The following GALNT13 variants were observed in gnomAD, a reference collection of about 807,000 sequenced individuals.
The protein encoded by GALNT13 is UDP-GalNAc:polypeptide N-acetylgalactosaminyltransferase 13.
In GALNT13, 28 loss-of-function variants were observed where a neutral mutation model predicts 64.2. The ratio of observed to expected loss-of-function variants is 0.44; its 90% CI spans 0.32 to 0.60. The LOEUF (loss-of-function observed/expected upper bound fraction) is 0.60. GALNT13 is among the 20% of genes least tolerant of loss of function. The probability of loss-of-function intolerance (pLI) is 0.05; values close to 1 mark genes in which losing one functional copy is unlikely to be tolerated. For missense variants in GALNT13, 577 were observed against 669.8 expected (o/e 0.86, Z 1.53); for synonymous variants, 214 against 224.6 (o/e 0.95, Z 0.42).
chr2:153,235,991 T>C, the GALNT13 span, among the ~76,000 whole-genome samples: 1 of 152,150 alleles, frequency 6.6e-6, no homozygotes, highest in Non-Finnish European at 1.5e-5. Flanking sequence ...GCTACCTTAG[T>C]GAGCACATAA....
At chr2:154,425,375 T>C (rs565968483) in intron 11 of GALNT13, among the ~76,000 whole-genome samples, 2 of 152,202 alleles carry the variant, frequency 1.3e-5, no homozygotes, top group Non-Finnish European at 2.9e-5. Context: ...GATATATTTA[T>C]TGTTGTTATG....
the GALNT13 span, among the ~76,000 whole-genome samples, chr2:153,255,605 C>T: frequency 5.3e-5 from 8 of 152,104 alleles, no homozygotes; most frequent in East Asian, 5.8e-4. Context: ...CGGCTGGTAC[C>T]GGTTGTTCCT....
the GALNT13 span, among the ~76,000 whole-genome samples, chr2:153,139,524 C>T: frequency 6.6e-6 from 1 of 151,918 alleles, no homozygotes; most frequent in African/African-American, 2.4e-5. Flanking sequence ...AAAAGATTGG[C>T]TGGGGCATCT....
chr2:153,396,344 T>G, the GALNT13 span, among the ~76,000 whole-genome samples: 1 of 152,092 alleles, frequency 6.6e-6, no homozygotes, highest in African/African-American at 2.4e-5. Context: ...GTTTACCTAT[T>G]AAATGGGAAA....
At chr2:153,345,701 T>TTC in the GALNT13 span, among the ~76,000 whole-genome samples, 1,073 of 94,378 alleles carry the variant, frequency 0.011, 11 homozygotes, top group Non-Finnish European at 0.015. Context: ...CTTTCTTTCT[T>TTC]TCTCTTTCTC....
chr2:153,281,949 C>G, the GALNT13 span, among the ~76,000 whole-genome samples: 1 of 151,302 alleles, frequency 6.6e-6, no homozygotes, highest in Non-Finnish European at 1.5e-5. Context: ...GTTTACCTGT[C>G]TAGCAAGATT....
intron 2 of GALNT13, among the ~76,000 whole-genome samples, chr2:153,922,015 A>T (rs17439212): frequency 6.6e-6 from 1 of 152,038 alleles, no homozygotes; most frequent in East Asian, 1.9e-4. Context: ...AATTAAAATG[A>T]CATATAGAAA....
At chr2:153,906,644 G>T (rs1481086225) in intron 2 of GALNT13, among the ~76,000 whole-genome samples, 1 of 151,268 alleles carries the variant, frequency 6.6e-6, no homozygotes, top group Non-Finnish European at 1.5e-5. Flanking sequence ...CCAGTCTATC[G>T]TTGTTGGACA....
chr2:153,715,817 C>T, the GALNT13 span, among the ~76,000 whole-genome samples: 6 of 128,266 alleles, frequency 4.7e-5, no homozygotes, highest in Non-Finnish European at 8.8e-5. Flanking sequence ...TCCCTCTTTT[C>T]TTCTTCTTCT....
chr2:153,631,707 G>C, the GALNT13 span, among the ~76,000 whole-genome samples: 11,633 of 151,980 alleles, frequency 0.077, 515 homozygotes, highest in Non-Finnish European at 0.11. Context: ...CTGGATATTA[G>C]CCCTTTGTCA....
the GALNT13 span, among the ~76,000 whole-genome samples, chr2:153,820,724 A>G: frequency 3.3e-5 from 5 of 152,194 alleles, no homozygotes; most frequent in Non-Finnish European, 5.9e-5. Context: ...AGTTCTAAAC[A>G]TAAAAACAAA....
intron 3 of GALNT13, among the ~76,000 whole-genome samples, chr2:154,110,398 G>C (rs1256040909): frequency 8.0e-5 from 11 of 137,570 alleles, no homozygotes; most frequent in Non-Finnish European, 1.1e-4. Flanking sequence ...GAGAGAGAGA[G>C]AGACAGAGAG....
In GALNT13 at chr2:154,055,036, C is replaced by T. The variant is rs117911208; in HGVS notation, c.143-85301C>T. Among the ~76,000 whole-genome samples the T allele has an allele frequency of 3.2e-4, 49 of 151,882 alleles. 1 individual carries two copies. In the East Asian group the frequency reaches 8.5e-3, roughly 26 times the overall value. On this transcript the variant is annotated intron_variant, in intron 3 of 12. Transcript: ENST00000392825. ...TATGTATGACAAATTATTCTCTTTA[C>T]GCAAAGTTAATTGGAGGTTTGATCA...
At chr2:154,140,852 C>G (rs1683220679) in intron 4 of GALNT13, among the ~76,000 whole-genome samples, 2 of 152,190 alleles carry the variant, frequency 1.3e-5, no homozygotes, top group South Asian at 4.2e-4. Context: ...TTGCTTAACA[C>G]TGCAGAAATG....
intron 2 of GALNT13, among the ~76,000 whole-genome samples, chr2:153,937,458 G>A (rs1300237832): frequency 6.6e-6 from 1 of 152,156 alleles, no homozygotes; most frequent in Non-Finnish European, 1.5e-5. Context: ...AATCAGATTA[G>A]TAGTTACTTA....
chr2:153,232,303 A>G, the GALNT13 span, among the ~76,000 whole-genome samples: 2 of 152,236 alleles, frequency 1.3e-5, no homozygotes, highest in Admixed American at 6.5e-5. Context: ...TTTAAAAACC[A>G]TATATTCACT....
At chr2:154,260,344 C>T (rs1400550492) in intron 8 of GALNT13, among the ~76,000 whole-genome samples, 3 of 151,904 alleles carry the variant, frequency 2.0e-5, no homozygotes, top group Admixed American at 6.6e-5. Flanking sequence ...AATATAAATA[C>T]GTGTGATGTT....
the GALNT13 span, among the ~76,000 whole-genome samples, chr2:153,254,834 C>G: frequency 1.3e-5 from 2 of 152,104 alleles, no homozygotes; most frequent in Admixed American, 6.5e-5. Flanking sequence ...GTCTGAGAGA[C>G]AGTTTGTTAT....
chr2:154,002,564 C>A (rs1596636), intron 3 of GALNT13, among the ~76,000 whole-genome samples: 31,035 of 151,824 alleles, frequency 0.2, 4,090 homozygotes, highest in Middle Eastern at 0.33. Flanking sequence ...ATTTTCTATA[C>A]ATATTTTCTT....
Sources: allele counts gnomAD v4.1 joint callset (sites outside exome capture counted in the v4.1 genomes callset), GRCh38; gene constraint gnomAD v4.1.1; transcripts MANE v1.5; gene names NCBI Gene and HGNC (gene_info 2026-07-23, HGNC 2026-07-21).